PCDHGA5: variants seen among roughly 807,000 people sequenced by gnomAD.
PCDHGA5 encodes protocadherin gamma-A5.
A neutral mutation model predicts 56.7 loss-of-function variants in PCDHGA5; 36 were observed. The observed-to-expected ratio is 0.64, with a 90% CI of 0.49 to 0.84. The LOEUF (loss-of-function observed/expected upper bound fraction) is 0.84, where lower values mean the gene tolerates loss of function less well. Ranked by LOEUF, PCDHGA5 falls within the 40% of genes least tolerant of loss-of-function variation. The pLI is 0.00. For synonymous variants in PCDHGA5, 563 were observed against 520.2 expected (o/e 1.08, Z -1.12); for missense variants, 1,305 against 1,201.5 (o/e 1.09, Z -1.27).
In PCDHGA5 at chr5:141,485,896, C is replaced by T; in HGVS notation, c.2422-8911C>T. On this transcript the variant is annotated intron_variant, in intron 1 of 3. Coordinates refer to ENST00000518069, the MANE Select transcript of PCDHGA5 (RefSeq NM_018918.3). The surrounding 1 kb of genome is among the most constrained non-coding windows in gnomAD (Gnocchi z 5.7). ...TGGACGTAAACGACAACGCCCCAGC[C>T]TTCCAGCAATCCAGCTACAGGATTA... 6.2e-7 allele frequency: 1 copy of T among 1,614,190 alleles called. No individual in the cohort carries two copies. The highest frequency in any genetic ancestry group is 8.5e-7 in the Non-Finnish European group (1 of 1,180,042).
At position 141,476,943 on chromosome 5, in the gene PCDHGA5, A is replaced by G. The variant is rs538990482; in HGVS notation, c.2422-17864A>G. On this transcript the variant is annotated intron_variant, in intron 1 of 3. Coordinates refer to ENST00000518069, the MANE Select transcript of PCDHGA5 (RefSeq NM_018918.3). This position sits in a 1 kb window ranked among gnomAD's most constrained non-coding sequence, Gnocchi z 7.6. ...GCAACGGATCTGGATGAAGGCCCCA[A>G]CGGTGAAATTATTTACTCCTTCGGC... 14 of 1,614,170 alleles carry G rather than the reference A, an allele frequency of 8.7e-6. No individual in the cohort carries two copies. Among genetic ancestry groups the G allele is most frequent in the South Asian group, 1.1e-5 (1 of 91,086 alleles).
intron 1 of PCDHGA5, among the ~76,000 whole-genome samples, chr5:141,443,521 T>A (rs2098392520): frequency 6.6e-6 from 1 of 152,156 alleles, no homozygotes; most frequent in Admixed American, 6.6e-5. Context: ...TCTCTCCTTA[T>A]GACTTATTTA....
At chr5:141,497,983 C>T (rs2099780927) in intron 2 of PCDHGA5, among the ~76,000 whole-genome samples, 1 of 152,168 alleles carries the variant, frequency 6.6e-6, no homozygotes, top group African/African-American at 2.4e-5. Context: ...GTGGGAGGCC[C>T]CTGCCCTCAA....
At chr5:141,424,094 A>G (rs1036391991) in intron 1 of PCDHGA5, 11 of 864,422 alleles carry the variant, frequency 1.3e-5, no homozygotes, top group Non-Finnish European at 1.4e-5. Context: ...ATTATTTGCT[A>G]TTACTGCTAA....
At chr5:141,389,133 A>G (rs1239484034) in intron 1 of PCDHGA5, 18 of 1,613,928 alleles carry the variant, frequency 1.1e-5, no homozygotes, top group Admixed American at 5.0e-5. Flanking sequence ...TCCAGAGTAC[A>G]ATATAACCGT....
intron 1 of PCDHGA5, chr5:141,478,491 G>A: frequency 6.2e-7 from 1 of 1,613,152 alleles, no homozygotes; most frequent in Non-Finnish European, 8.5e-7. Flanking sequence ...CTGCGGAGCT[G>A]TGATCCGGTG....
intron 1 of PCDHGA5, chr5:141,404,885 G>C: frequency 1.2e-6 from 2 of 1,613,906 alleles, no homozygotes; most frequent in Non-Finnish European, 1.7e-6. Context: ...CCTTGTGGTG[G>C]CTGTACAGGA....
intron 1 of PCDHGA5, chr5:141,370,414 G>A (rs1479510412): frequency 6.4e-7 from 1 of 1,568,570 alleles, no homozygotes; most frequent in Non-Finnish European, 8.6e-7. Flanking sequence ...AGCTCCGGAT[G>A]GAGGGGCCCA....
At chr5:141,499,835 C>T (rs931946377) in intron 2 of PCDHGA5, among the ~76,000 whole-genome samples, 2 of 151,916 alleles carry the variant, frequency 1.3e-5, no homozygotes, top group Admixed American at 6.6e-5. Flanking sequence ...TACAGGTGTG[C>T]ACCACCACAC....
intron 1 of PCDHGA5, chr5:141,400,577 T>G: frequency 6.2e-7 from 1 of 1,611,914 alleles, no homozygotes; most frequent in East Asian, 2.2e-5. Flanking sequence ...TTTTCTGTAT[T>G]TACATGAAAC....
chr5:141,507,716 C>T (rs567867232), intron 3 of PCDHGA5, among the ~76,000 whole-genome samples: 1 of 152,372 alleles, frequency 6.6e-6, no homozygotes, highest in South Asian at 2.1e-4. Flanking sequence ...CCCAAACCCT[C>T]CAAGCAAGTC....
intron 1 of PCDHGA5, chr5:141,478,355 G>A: frequency 6.2e-7 from 1 of 1,613,742 alleles, no homozygotes; most frequent in Non-Finnish European, 8.5e-7. Context: ...CGCGGACGCC[G>A]TGCGGGGAGG....
At chr5:141,498,352 C>T (rs1439698389) in intron 2 of PCDHGA5, among the ~76,000 whole-genome samples, 1 of 151,772 alleles carries the variant, frequency 6.6e-6, no homozygotes, top group Non-Finnish European at 1.5e-5. Flanking sequence ...AAAGCCTATG[C>T]AAAAGCCTTG....
chr5:141,365,279 A>T lies in PCDHGA5; in HGVS notation c.949A>T (p.Met317Leu), dbSNP rs1222527527. 6.2e-7 allele frequency: 1 copy of T among 1,613,978 alleles called. No individual in the cohort carries two copies. Among genetic ancestry groups the T allele is most frequent in the Non-Finnish European group, 8.5e-7 (1 of 1,179,866 alleles). ...CTATGAAGAATCCAGATTCTACCTC[A>T]TGGAAGTGGTAGCTCAGGATGGAGG... ...LDYEESRFYL[M>L]EVVAQDGGAL... is the part of the protein sequence containing the mutation. Residue 317 changes from methionine to leucine, a missense_variant, in exon 1 of 4, where the codon ATG becomes TTG. Met to Leu is a conservative substitution (Grantham distance 15). Coordinates refer to ENST00000518069, the MANE Select transcript of PCDHGA5 (RefSeq NM_018918.3).
rs200161061 is a variant in PCDHGA5, at chr5:141,366,607, C to T, written c.2277C>T (p.Leu759=). 6.8e-5 allele frequency: 110 copies of T among 1,614,150 alleles called. No individual in the cohort carries two copies. Among genetic ancestry groups the T allele is most frequent in the Non-Finnish European group, 9.1e-5 (107 of 1,180,062 alleles). ...FLQTYSHEVS[L]TADSRKSHLI... ...AGACCTATTCCCACGAGGTCTCCCT[C>T]ACCGCGGACTCGAGGAAGAGTCACC... The change falls in exon 1 of 4, where the codon CTC becomes CTT. Residue 759 remains leucine (L), a synonymous_variant. Coordinates refer to ENST00000518069, the MANE Select transcript of PCDHGA5 (RefSeq NM_018918.3).
chr5:141,478,271 A>G, intron 1 of PCDHGA5: 1 of 1,614,170 alleles, frequency 6.2e-7, no homozygotes, highest in Non-Finnish European at 8.5e-7. Flanking sequence ...CAAAGTTTAC[A>G]AGTGGAAGCA....
At chr5:141,405,407 C>A (rs1252757330) in intron 1 of PCDHGA5, 3 of 1,582,052 alleles carry the variant, frequency 1.9e-6, no homozygotes, top group Non-Finnish European at 2.6e-6. Flanking sequence ...TCTTTCTTTT[C>A]TTTTTTTGTT....
At position 141,432,595 on chromosome 5, in the gene PCDHGA5, C is replaced by G; in HGVS notation, c.2422-62212C>G. 6.2e-7 allele frequency: 1 copy of G among 1,613,756 alleles called. No individual in the cohort carries two copies. Among genetic ancestry groups the G allele is most frequent in the Admixed American group, 1.7e-5 (1 of 60,018 alleles). ...TGTCCTACCGTCTGCTCAAGGCCAG[C>G]GAGCCGGGACTCTTCTCGGTGGGTC... On this transcript the variant is annotated intron_variant, in intron 1 of 3. Transcript: ENST00000518069. This position sits in a 1 kb window ranked among gnomAD's most constrained non-coding sequence, Gnocchi z 6.0.
chr5:141,428,395 G>A, intron 1 of PCDHGA5: 1 of 488,280 alleles, frequency 2.0e-6, no homozygotes, highest in Non-Finnish European at 3.8e-6. Flanking sequence ...CAGCCCCTCT[G>A]CCTGGGGTTG....
Sources: gnomAD v4.1 joint callset for allele counts (sites outside exome capture counted in the v4.1 genomes callset) on GRCh38, gnomAD v4.1.1 for gene constraint, Gnocchi (gnomAD v3.1) non-coding constraint, MANE v1.5 for transcripts, NCBI Gene and HGNC (gene_info 2026-07-23, HGNC 2026-07-21) for gene names.